The following ILRUN variants were observed in gnomAD, a reference collection of about 807,000 sequenced individuals.
ILRUN encodes the protein protein ILRUN.
A neutral mutation model predicts 33.8 loss-of-function variants in ILRUN; 3 were observed. The observed-to-expected ratio is 0.09, with a 90% CI of 0.04 to 0.23. The LOEUF (loss-of-function observed/expected upper bound fraction) is 0.23, where lower values mean the gene tolerates loss of function less well. Among genes scored for constraint, ILRUN ranks in the 10% least tolerant of loss-of-function variants. ILRUN has a pLI of 1.00. For missense variants in ILRUN, 210 were observed against 375.1 expected (o/e 0.56, Z 3.64); for synonymous variants, 124 against 138.9 (o/e 0.89, Z 0.75).
chr6:34,675,451 T>C lies in ILRUN; in HGVS notation c.159-20672A>G, dbSNP rs560750240. Among the ~76,000 whole-genome samples the C allele has an allele frequency of 6.6e-5, 10 of 152,232 alleles. 1 individual carries two copies. In the South Asian group the frequency reaches 1.4e-3, roughly 22 times the overall value. On this transcript the variant is annotated intron_variant, in intron 1 of 4. Coordinates refer to ENST00000374023, the MANE Select transcript of ILRUN (RefSeq NM_024294.4). Reference sequence around the variant, plus strand: ...TGGAAAACATGTTAAGGTACTAACATTGAAAAAAATTCAGCTATATAAAAT... The same window carrying C: ...TGGAAAACATGTTAAGGTACTAACACTGAAAAAAATTCAGCTATATAAAAT...
intron 4 of ILRUN, among the ~76,000 whole-genome samples, chr6:34,598,838 G>C (rs1322809440): frequency 1.3e-5 from 2 of 152,198 alleles, no homozygotes; most frequent in Non-Finnish European, 2.9e-5. Flanking sequence ...ACACCAGCAA[G>C]GCTGCGAGGA....
At chr6:34,679,527 TC>T (rs1763311670) in intron 1 of ILRUN, among the ~76,000 whole-genome samples, 1 of 152,220 alleles carries the variant, frequency 6.6e-6, no homozygotes, top group Non-Finnish European at 1.5e-5. Flanking sequence ...AGATTATTAA[TC>T]ATATCTATGT....
intron 3 of ILRUN, among the ~76,000 whole-genome samples, chr6:34,640,695 C>A (rs367660682): frequency 6.7e-6 from 1 of 148,298 alleles, no homozygotes; most frequent in African/African-American, 2.5e-5. Flanking sequence ...GGTGACAGAG[C>A]GAGACTCCGT....
At chr6:34,668,215 T>C (rs889235156) in intron 1 of ILRUN, among the ~76,000 whole-genome samples, 4 of 152,234 alleles carry the variant, frequency 2.6e-5, no homozygotes, top group Non-Finnish European at 4.4e-5. Flanking sequence ...AGCAGATTCT[T>C]AAAAAGCTAC....
intron 3 of ILRUN, among the ~76,000 whole-genome samples, chr6:34,614,492 TA>T (rs1761836438): frequency 7.2e-6 from 1 of 138,814 alleles, no homozygotes; most frequent in African/African-American, 2.8e-5. Context: ...TATTATTATA[TA>T]TATTATATTT....
chr6:34,591,303 C>T (rs73409982), intron 4 of ILRUN, among the ~76,000 whole-genome samples: 1,771 of 152,236 alleles, frequency 0.012, 39 homozygotes, highest in African/African-American at 0.037. Context: ...CTAGCCTGGA[C>T]AACATAGTCA....
intron 4 of ILRUN, among the ~76,000 whole-genome samples, chr6:34,600,242 G>C (rs549383069): frequency 1.4e-4 from 22 of 152,216 alleles, no homozygotes; most frequent in African/African-American, 5.1e-4. Flanking sequence ...TCCACAATCT[G>C]GTCTCTGTCC....
intron 3 of ILRUN, among the ~76,000 whole-genome samples, chr6:34,626,676 G>A (rs2127345658): frequency 6.6e-6 from 1 of 152,210 alleles, no homozygotes; most frequent in East Asian, 1.9e-4. Context: ...CATTCTACGG[G>A]TTTGGACAAA....
rs1240357620 is a variant in ILRUN, at chr6:34,615,355, G to A, written c.512-8451C>T. Among the ~76,000 whole-genome samples the A allele has an allele frequency of 2.0e-5, 3 of 152,142 alleles. No individual in the cohort carries two copies. The East Asian group carries it at 5.8e-4, about 29-fold the overall frequency. On this transcript the variant is annotated intron_variant, in intron 3 of 4. Coordinates refer to ENST00000374023, the MANE Select transcript of ILRUN (RefSeq NM_024294.4). ...TCACACCTGTAGTCCCAGAACTTTG[G>A]GAGGCTGAGGTGGGTGGATCACCTA...
intron 3 of ILRUN, among the ~76,000 whole-genome samples, chr6:34,633,459 C>T (rs1762287665): frequency 6.6e-6 from 1 of 152,162 alleles, no homozygotes; most frequent in South Asian, 2.1e-4. Flanking sequence ...TTATAGAACA[C>T]TCAACTCAGC....
At chr6:34,617,367 T>G (rs990471630) in intron 3 of ILRUN, 2 of 313,448 alleles carry the variant, frequency 6.4e-6, no homozygotes, top group African/African-American at 4.4e-5. Flanking sequence ...TCTTTGTGCG[T>G]GTCTCTTAGA....
At chr6:34,656,300 T>C (rs1031722647) in intron 1 of ILRUN, among the ~76,000 whole-genome samples, 6 of 151,676 alleles carry the variant, frequency 4.0e-5, no homozygotes, top group South Asian at 2.1e-4. Flanking sequence ...TTTGTAAATG[T>C]TGGTGTTCTT....
intron 3 of ILRUN, among the ~76,000 whole-genome samples, chr6:34,615,354 G>A (rs1455877283): frequency 1.3e-5 from 2 of 152,172 alleles, no homozygotes; most frequent in South Asian, 2.1e-4. Context: ...CCAGAACTTT[G>A]GGAGGCTGAG....
In ILRUN at chr6:34,606,882, A is replaced by G. The variant is rs145682744; in HGVS notation, c.534T>C (p.Ser178=). The change falls in exon 4 of 5, where the codon AGT becomes AGC. Residue 178 remains serine (S), a synonymous_variant. Transcript: ENST00000374023. ...CTCCTAAAAGTCCACCCACCTCCAC[A>G]CTGAGAATCACCCAGATGACATCTG... ...YYGDVIWVIL[S]VEVGGLLGVT... 1.1e-4 allele frequency: 173 copies of G among 1,612,934 alleles called. No individual in the cohort carries two copies. The African/African-American group carries it at 2.0e-3, about 19-fold the overall frequency.
intron 4 of ILRUN, among the ~76,000 whole-genome samples, chr6:34,602,813 C>A (rs1041334107): frequency 1.3e-5 from 2 of 152,124 alleles, no homozygotes; most frequent in African/African-American, 4.8e-5. Context: ...AGGGAGAAGC[C>A]CCTTTGCGTT....
At chr6:34,628,940 T>C (rs1762193853) in intron 3 of ILRUN, among the ~76,000 whole-genome samples, 1 of 152,060 alleles carries the variant, frequency 6.6e-6, no homozygotes, top group Non-Finnish European at 1.5e-5. Context: ...TATGGCGGAA[T>C]GCTGTCTCTA....
chr6:34,676,458 AGC>A (rs1327024861), intron 1 of ILRUN, among the ~76,000 whole-genome samples: 6 of 151,442 alleles, frequency 4.0e-5, no homozygotes, highest in African/African-American at 1.5e-4. Flanking sequence ...AGATAGATAT[AGC>A]TAGCTAGCTA....
intron 1 of ILRUN, among the ~76,000 whole-genome samples, chr6:34,694,297 T>C (rs1020761868): frequency 3.3e-5 from 5 of 152,180 alleles, no homozygotes; most frequent in Admixed American, 1.3e-4. Context: ...ACTAGGGTAG[T>C]GTTTAAATGG....
At chr6:34,631,515 C>G (rs112421298) in intron 3 of ILRUN, among the ~76,000 whole-genome samples, 4,438 of 152,060 alleles carry the variant, frequency 0.029, 178 homozygotes, top group African/African-American at 0.085. Flanking sequence ...TTTTGATATA[C>G]ACAGAGTTTC....
Sources: allele counts gnomAD v4.1 joint callset (sites outside exome capture counted in the v4.1 genomes callset), GRCh38; gene constraint gnomAD v4.1.1; transcripts MANE v1.5; gene names NCBI Gene and HGNC (gene_info 2026-07-23, HGNC 2026-07-21).